The following MARCHF1 variants were observed in gnomAD, a reference collection of about 807,000 sequenced individuals.
The protein encoded by MARCHF1 is E3 ubiquitin-protein ligase MARCHF1.
Under a neutral mutation model 54.2 loss-of-function variants are expected in MARCHF1, and 40 were observed. The observed-to-expected ratio is 0.74, with a 90% CI of 0.57 to 0.96. The LOEUF is 0.96. Ranked by LOEUF, MARCHF1 falls within the 40% of genes least tolerant of loss-of-function variation. MARCHF1 has a pLI of 0.00. For missense variants in MARCHF1, 586 were observed against 656.5 expected (o/e 0.89, Z 1.17); for synonymous variants, 236 against 236.3 (o/e 1.00, Z 0.01).
intron 1 of MARCHF1, among the ~76,000 whole-genome samples, chr4:164,177,845 A>T (rs986840374): frequency 1.3e-5 from 2 of 152,124 alleles, no homozygotes; most frequent in African/African-American, 4.8e-5. Flanking sequence ...AGAGACAAAG[A>T]AAGACAGAGA....
At chr4:164,249,678 T>C (rs369414892) in intron 1 of MARCHF1, among the ~76,000 whole-genome samples, 5 of 151,400 alleles carry the variant, frequency 3.3e-5, no homozygotes, top group East Asian at 1.9e-4. Flanking sequence ...AAGAAAGTGC[T>C]AGGGGTCGGG....
chr4:164,263,036 T>C (rs1031543168), intron 1 of MARCHF1, among the ~76,000 whole-genome samples: 5 of 151,522 alleles, frequency 3.3e-5, no homozygotes, highest in African/African-American at 9.7e-5. Flanking sequence ...GGAAGAAGAG[T>C]GGATGAGATA....
At chr4:163,888,720 T>C (rs567823342) in intron 3 of MARCHF1, among the ~76,000 whole-genome samples, 211 of 152,280 alleles carry the variant, frequency 1.4e-3, no homozygotes, top group African/African-American at 4.8e-3. Flanking sequence ...CCTATAAGGC[T>C]AAGAATCAGA....
chr4:163,861,670 T>A (rs1749937768), intron 3 of MARCHF1, among the ~76,000 whole-genome samples: 1 of 152,056 alleles, frequency 6.6e-6, no homozygotes, highest in Admixed American at 6.6e-5. Context: ...AGCTATACAT[T>A]TCATACAATC....
intron 1 of MARCHF1, among the ~76,000 whole-genome samples, chr4:164,145,666 A>G (rs373884601): frequency 3.3e-5 from 5 of 152,084 alleles, no homozygotes; most frequent in African/African-American, 7.2e-5. Flanking sequence ...TTGATGGGAC[A>G]TATCTCAAAA....
intron 5 of MARCHF1, among the ~76,000 whole-genome samples, chr4:163,685,396 A>G (rs1364146536): frequency 2.0e-5 from 3 of 152,180 alleles, no homozygotes; most frequent in African/African-American, 2.4e-5. Context: ...GACTAGCAAA[A>G]TAAGTCTCCC....
intron 9 of MARCHF1, among the ~76,000 whole-genome samples, chr4:163,542,998 G>A (rs1738771067): frequency 6.6e-6 from 1 of 152,154 alleles, no homozygotes; most frequent in African/African-American, 2.4e-5. Context: ...TTTACAGAGA[G>A]AGGAAAGCTG....
intron 1 of MARCHF1, among the ~76,000 whole-genome samples, chr4:164,196,585 G>C (rs1178589231): frequency 6.6e-6 from 1 of 151,546 alleles, no homozygotes; most frequent in Non-Finnish European, 1.5e-5. Context: ...TTAAATCCTG[G>C]AGCTTATTTT....
chr4:164,012,268 G>A (rs1006440190), intron 2 of MARCHF1, among the ~76,000 whole-genome samples: 5 of 152,048 alleles, frequency 3.3e-5, no homozygotes, highest in Admixed American at 3.3e-4. Context: ...ACAACTCCAG[G>A]CACTGTAGCC....
chr4:163,711,894 G>C (rs760981982), intron 4 of MARCHF1, among the ~76,000 whole-genome samples: 16 of 152,132 alleles, frequency 1.1e-4, no homozygotes, highest in Admixed American at 3.3e-4. Context: ...ATGGATAAAA[G>C]TCATCTTTAG....
chr4:163,656,121 G>GTT (rs34737010), intron 5 of MARCHF1, among the ~76,000 whole-genome samples: 2,327 of 145,794 alleles, frequency 0.016, 25 homozygotes, highest in African/African-American at 0.038. Flanking sequence ...TCCAGGAGCT[G>GTT]TTTTTTTTTT....
intron 2 of MARCHF1, among the ~76,000 whole-genome samples, chr4:164,058,138 G>A (rs1446570336): frequency 6.6e-6 from 1 of 152,062 alleles, no homozygotes; most frequent in Non-Finnish European, 1.5e-5. Context: ...GGGGGCTAGG[G>A]GAGGGATAAC....
intron 3 of MARCHF1, among the ~76,000 whole-genome samples, chr4:163,905,187 G>C (rs1347483307): frequency 6.6e-6 from 1 of 151,970 alleles, no homozygotes; most frequent in Non-Finnish European, 1.5e-5. Flanking sequence ...GGGGCATAAT[G>C]AACAGTATTA....
intron 8 of MARCHF1, among the ~76,000 whole-genome samples, chr4:163,559,789 T>C (rs1739408427): frequency 6.6e-6 from 1 of 152,212 alleles, no homozygotes. Context: ...AGTTTCTCTC[T>C]CAGTGTTTAT....
intron 2 of MARCHF1, among the ~76,000 whole-genome samples, chr4:164,066,490 C>A (rs1010907643): frequency 3.3e-5 from 5 of 152,168 alleles, no homozygotes; most frequent in East Asian, 1.9e-4. Context: ...ACAGAAATAC[C>A]ATTCAACCCA....
intron 1 of MARCHF1, among the ~76,000 whole-genome samples, chr4:164,356,780 C>CAA (rs58855405): frequency 2.0e-4 from 21 of 103,256 alleles, no homozygotes; most frequent in East Asian, 4.4e-4. Context: ...AAAAGAAAAG[C>CAA]AAAAAAAAAA....
intron 8 of MARCHF1, among the ~76,000 whole-genome samples, chr4:163,550,887 C>G (rs1206188228): frequency 1.3e-5 from 2 of 152,186 alleles, no homozygotes; most frequent in African/African-American, 4.8e-5. Context: ...TTTTGAGCCC[C>G]ACACCAAACT....
rs752962515 is a variant in MARCHF1, at chr4:163,612,565, C to T, written c.716G>A (p.Arg239Lys). Residue 239 changes from arginine (R) to lysine (K), a missense_variant, in exon 7 of 10, where the codon AGG (arginine) becomes AAG (lysine). By Grantham distance (26) the Arg-to-Lys change is conservative (BLOSUM62 2). Transcript: ENST00000514618. ...SLNLHRGKHT[R>K]YQECNPSLTQ... ...CAGAGAAGGGTTGCATTCTTGGTAC[C>T]TTGTATGTTTTCCTCTGTGGAGATT... 4 of 1,535,498 alleles carry T rather than the reference C, an allele frequency of 2.6e-6. No homozygotes were observed. The South Asian group carries it at 3.6e-5, about 14-fold the overall frequency.
chr4:164,229,652 C>T (rs1280900903), intron 1 of MARCHF1, among the ~76,000 whole-genome samples: 1 of 152,074 alleles, frequency 6.6e-6, no homozygotes, highest in Non-Finnish European at 1.5e-5. Context: ...GATGGTTCTG[C>T]AGGTTGTATA....
Sources: gnomAD v4.1 joint callset for allele counts (sites outside exome capture counted in the v4.1 genomes callset) on GRCh38, gnomAD v4.1.1 for gene constraint, MANE v1.5 for transcripts, NCBI Gene and HGNC (gene_info 2026-07-23, HGNC 2026-07-21) for gene names.